The following TNFRSF10A variants were observed in gnomAD, a reference collection of about 807,000 sequenced individuals.
TNFRSF10A encodes TNF receptor superfamily member 10a, also known as tumor necrosis factor receptor superfamily member 10A.
In TNFRSF10A, 44 loss-of-function variants were observed where a neutral mutation model predicts 42.8. That is an observed-to-expected ratio of 1.03 (90% CI 0.81 to 1.32). The LOEUF (loss-of-function observed/expected upper bound fraction) is 1.32. Ranked by LOEUF, TNFRSF10A falls within the 40% of genes most tolerant of loss-of-function variation. The probability of loss-of-function intolerance (pLI) is 0.00; values close to 1 mark genes in which losing one functional copy is unlikely to be tolerated. For missense variants in TNFRSF10A, 680 were observed against 602.0 expected, an observed-to-expected ratio of 1.13 and a Z score of -1.36; for synonymous variants, 259 against 234.2, an observed-to-expected ratio of 1.11 and a Z score of -0.97.
chr8:23,210,961 A>T (rs994370335), intron 2 of TNFRSF10A, among the ~76,000 whole-genome samples: 1 of 152,192 alleles, frequency 6.6e-6, no homozygotes. Flanking sequence ...CACAGCTAAC[A>T]TTATATTTAA....
intron 2 of TNFRSF10A, 89 bp downstream of exon 2, chr8:23,212,027 T>C: frequency 8.5e-7 from 1 of 1,175,674 alleles, no homozygotes. Context: ...AAAGGAATGT[T>C]ATTGATGAAT....
At position 23,191,954 on chromosome 8, in the gene TNFRSF10A, G is replaced by A; in HGVS notation, c.1147C>T (p.Leu383Phe). ...NIVPFDSWDQ[L>F]MRQLDLTKNE... The stretch of plus-strand genomic sequence containing the variant: ...TTCGTGAGGTCCAGCTGCCTCATGA[G>A]CTGGTCCCAGGAGTCAAAGGGCACG... Residue 383 changes from leucine (L) to phenylalanine (F), a missense_variant, in exon 10 of 10, where the codon CTC becomes TTC. Physicochemically the swap from Leu to Phe is conservative, Grantham distance 22. Transcript: ENST00000221132. 2 of 1,614,188 alleles carry A rather than the reference G, an allele frequency of 1.2e-6. No individual in the cohort carries two copies. The highest frequency in any genetic ancestry group is 1.7e-6 in the Non-Finnish European group (2 of 1,180,046).
At chr8:23,197,849 T>C (rs774006486) in intron 8 of TNFRSF10A, among the ~76,000 whole-genome samples, 5 of 152,206 alleles carry the variant, frequency 3.3e-5, no homozygotes, top group Admixed American at 2.0e-4. Context: ...TGATATCTCA[T>C]AGTTACTTGA....
intron 1 of TNFRSF10A, among the ~76,000 whole-genome samples, chr8:23,215,243 G>A (rs182483428): frequency 6.6e-6 from 1 of 152,304 alleles, no homozygotes; most frequent in Admixed American, 6.5e-5. Context: ...GGGGCCGGGC[G>A]CCGTGGCTCA....
intron 1 of TNFRSF10A, among the ~76,000 whole-genome samples, chr8:23,217,931 A>G (rs565941616): frequency 5.2e-4 from 79 of 152,212 alleles, no homozygotes; most frequent in Non-Finnish European, 1.0e-3. Context: ...GGACACCGGT[A>G]GACATAGAGG....
At chr8:23,219,851 A>G (rs1233445535) in intron 1 of TNFRSF10A, among the ~76,000 whole-genome samples, 2 of 152,218 alleles carry the variant, frequency 1.3e-5, no homozygotes, top group Admixed American at 6.5e-5. Flanking sequence ...ACAAACTCCA[A>G]TGACTTAACT....
chr8:23,202,816 C>A (rs953498190), intron 2 of TNFRSF10A, 55 bp from the exon 3 acceptor site: 1 of 1,277,514 alleles, frequency 7.8e-7, no homozygotes, highest in East Asian at 2.4e-5. Context: ...CCCAGAGGAT[C>A]GTGGCGGTGG....
chr8:23,216,218 T>G (rs1462813227), intron 1 of TNFRSF10A, among the ~76,000 whole-genome samples: 2 of 152,222 alleles, frequency 1.3e-5, no homozygotes, highest in South Asian at 2.1e-4. Flanking sequence ...GATTTCAGTC[T>G]TATTATTTCC....
At chr8:23,216,113 C>T (rs558930571) in intron 1 of TNFRSF10A, among the ~76,000 whole-genome samples, 27 of 152,132 alleles carry the variant, frequency 1.8e-4, no homozygotes, top group African/African-American at 6.0e-4. Flanking sequence ...CCATCTCGTC[C>T]GGCCAGTTTA....
chr8:23,200,365 T>G, intron 6 of TNFRSF10A, 140 bp downstream of exon 6: 7 of 900,130 alleles, frequency 7.8e-6, no homozygotes, highest in Non-Finnish European at 1.2e-5. Context: ...GATGGGAGGA[T>G]GGGGGGTGAT....
chr8:23,213,138 G>A (rs1801113640), intron 1 of TNFRSF10A, among the ~76,000 whole-genome samples: 1 of 152,086 alleles, frequency 6.6e-6, no homozygotes, highest in Non-Finnish European at 1.5e-5. Context: ...TGTGTTTTTA[G>A]TAATTTACCA....
At chr8:23,215,512 A>C (rs1801164652) in intron 1 of TNFRSF10A, among the ~76,000 whole-genome samples, 1 of 128,922 alleles carries the variant, frequency 7.8e-6, no homozygotes, top group African/African-American at 2.8e-5. Flanking sequence ...CGACTCAAAA[A>C]ATAGCATAAC....
chr8:23,220,140 G>A (rs1014943722), intron 1 of TNFRSF10A, among the ~76,000 whole-genome samples: 9 of 152,300 alleles, frequency 5.9e-5, no homozygotes, highest in African/African-American at 2.2e-4. Flanking sequence ...ATACCTGCCT[G>A]GGAATCCGGA....
chr8:23,203,021 A>T (rs1165372557), intron 2 of TNFRSF10A, among the ~76,000 whole-genome samples: 1 of 152,242 alleles, frequency 6.6e-6, no homozygotes, highest in Non-Finnish European at 1.5e-5. Context: ...ATGAGGTCAA[A>T]TTAATTTTAA....
intron 3 of TNFRSF10A, among the ~76,000 whole-genome samples, 175 bp from the exon 4 acceptor site, chr8:23,202,094 C>G (rs766794461): frequency 3.9e-5 from 6 of 152,118 alleles, no homozygotes; most frequent in Admixed American, 6.5e-5. Flanking sequence ...CACCCTTCAG[C>G]TGTCACCAAC....
rs532602797 is a variant in TNFRSF10A at position 23,202,698 on chromosome 8, T to C, written c.467A>G (p.Asn156Ser). Residue 156 changes from asparagine (N) to serine (S), a missense_variant, in exon 3 of 10, where the codon AAT becomes AGT. Coordinates refer to ENST00000221132, the MANE Select transcript of TNFRSF10A (RefSeq NM_003844.4). ...NRCTEGVGYTNASNNLFACLP... is the reference protein window; with the variant it reads ...NRCTEGVGYTSASNNLFACLP... The stretch of plus-strand genomic sequence containing the variant: ...GCAAGCAAACAAATTGTTGGAAGCA[T>C]TGGTGTAACCCACACCCTCTGTGCA... The C allele has an allele frequency of 6.2e-7, 1 of 1,614,030 alleles. No individual in the cohort carries two copies. Among genetic ancestry groups the C allele is most frequent in the Non-Finnish European group, 8.5e-7 (1 of 1,179,958 alleles).
Position 23,201,924 on chromosome 8 carries a change from T to C in TNFRSF10A, c.518-5A>G. On this transcript the variant is annotated splice_polypyrimidine_tract_variant and splice_region_variant and intron_variant, in intron 3 of 9. Coordinates refer to ENST00000221132, the MANE Select transcript of TNFRSF10A (RefSeq NM_003844.4). ...AGGGACTTCTCTCTTCTTCATCTGA[T>C]GACAGAGTACAAGGTTTTGGGAATG... is the stretch of plus-strand genomic sequence containing the variant. The C allele has an allele frequency of 1.2e-6, 2 of 1,612,288 alleles. No individual in the cohort carries two copies. Among genetic ancestry groups the C allele is most frequent in the Non-Finnish European group, 1.7e-6 (2 of 1,179,488 alleles).
chr8:23,196,856 G>C (rs1445116475), intron 9 of TNFRSF10A, among the ~76,000 whole-genome samples: 1 of 152,172 alleles, frequency 6.6e-6, no homozygotes, highest in African/African-American at 2.4e-5. Context: ...AGCCCCTCAG[G>C]GCTGTTGTTC....
At chr8:23,199,476 A>G in intron 7 of TNFRSF10A, 28 bp from the exon 8 acceptor site, 1 of 1,600,744 alleles carries the variant, frequency 6.2e-7, no homozygotes, top group South Asian at 1.1e-5. Context: ...CCAACTCAGA[A>G]GCCCACACCC....
Sources: allele counts gnomAD v4.1 joint callset (sites outside exome capture counted in the v4.1 genomes callset), GRCh38; gene constraint gnomAD v4.1.1; transcripts MANE v1.5; gene names NCBI Gene and HGNC (gene_info 2026-07-23, HGNC 2026-07-21).